SCAI: variants seen among roughly 807,000 people sequenced by gnomAD.
SCAI encodes the protein suppressor of cancer cell invasion, also known as protein SCAI.
SCAI carries 24 observed loss-of-function variants against 92.2 expected under a neutral mutation model. The observed-to-expected ratio is 0.26, with a 90% CI of 0.19 to 0.37. SCAI has a LOEUF of 0.37. SCAI is among the 10% of genes least tolerant of loss of function. SCAI has a pLI of 1.00. For synonymous variants in SCAI, 261 were observed against 258.6 expected (o/e 1.01, Z -0.09); for missense variants, 450 against 736.2 (o/e 0.61, Z 4.50).
At chr9:124,962,598 T>C (rs1190413981) in intron 17 of SCAI, among the ~76,000 whole-genome samples, 2 of 152,168 alleles carry the variant, frequency 1.3e-5, no homozygotes, top group Non-Finnish European at 2.9e-5. Context: ...AGATTTTCTT[T>C]TCTTTTTTTA....
intron 2 of SCAI, among the ~76,000 whole-genome samples, chr9:125,058,783 G>T (rs13284861): frequency 6.6e-6 from 1 of 151,998 alleles, no homozygotes; most frequent in Non-Finnish European, 1.5e-5. Context: ...TTACAGCACA[G>T]GGGTAGAAAA....
chr9:125,097,742 T>C (rs1017402628), intron 2 of SCAI, among the ~76,000 whole-genome samples: 1 of 151,692 alleles, frequency 6.6e-6, no homozygotes, highest in Non-Finnish European at 1.5e-5. Context: ...ACTGGCAAAA[T>C]GCATTCTGGA....
In SCAI at chr9:125,134,826, G is replaced by A. The variant is rs527675261; in HGVS notation, c.98+7807C>T. On this transcript the variant is annotated intron_variant, in intron 2 of 17. Transcript: ENST00000336505. ...TGAGTAGCTGGGATTACAGGCATGC[G>A]CCACCACGCCAGGCTAATTTTGTAT... Among the ~76,000 whole-genome samples the A allele has an allele frequency of 3.9e-4, 59 of 152,254 alleles. No individual in the cohort carries two copies. The East Asian group carries it at 6.2e-3, about 16-fold the overall frequency.
chr9:125,054,484 G>C (rs1833624656), intron 3 of SCAI, among the ~76,000 whole-genome samples: 1 of 151,336 alleles, frequency 6.6e-6, no homozygotes, highest in Admixed American at 6.6e-5. Context: ...ACAGAATATG[G>C]TACATACTGG....
intron 4 of SCAI, 138 bp from the exon 5 acceptor site, chr9:125,028,616 T>C: frequency 2.2e-6 from 1 of 447,896 alleles, no homozygotes; most frequent in South Asian, 4.5e-5. Context: ...AATGTAGTCA[T>C]TCCATTAAAT....
intron 2 of SCAI, among the ~76,000 whole-genome samples, chr9:125,127,801 A>T (rs1275747317): frequency 6.6e-6 from 1 of 152,130 alleles, no homozygotes; most frequent in Non-Finnish European, 1.5e-5. Flanking sequence ...TGAGGTCAGG[A>T]GTTTGAGACC....
intron 2 of SCAI, among the ~76,000 whole-genome samples, chr9:125,108,836 G>C (rs1484108055): frequency 6.6e-6 from 1 of 152,302 alleles, no homozygotes; most frequent in East Asian, 1.9e-4. Flanking sequence ...CCTCTGCCCG[G>C]CCACCACCCC....
At chr9:125,063,542 G>C (rs1033835846) in intron 2 of SCAI, among the ~76,000 whole-genome samples, 3 of 151,512 alleles carry the variant, frequency 2.0e-5, no homozygotes, top group African/African-American at 7.3e-5. Flanking sequence ...TTGGATTTAA[G>C]AAAAAAAACT....
In SCAI at chr9:125,038,344, A is replaced by C. The variant is rs1419993823; in HGVS notation, c.231-8605T>G. ...ATCAGTGTGGCTAGCTCAACCTGCTATGTTTTGTTAAAATGTTTTTCTTGA... is the reference window on the plus strand; with the variant it reads ...ATCAGTGTGGCTAGCTCAACCTGCTCTGTTTTGTTAAAATGTTTTTCTTGA... On this transcript the variant is annotated intron_variant, in intron 3 of 17. Transcript: ENST00000336505. Among the ~76,000 whole-genome samples, 5 of 152,192 alleles carry C rather than the reference A, an allele frequency of 3.3e-5. No homozygotes were observed. In the East Asian group the frequency reaches 9.6e-4, roughly 29 times the overall value.
intron 2 of SCAI, among the ~76,000 whole-genome samples, chr9:125,076,253 C>T (rs1015958499): frequency 3.3e-5 from 5 of 151,736 alleles, no homozygotes; most frequent in Admixed American, 3.3e-4. Context: ...AATCCCAGCA[C>T]TTTGGGAGGC....
At chr9:125,126,913 C>A (rs566623829) in intron 2 of SCAI, among the ~76,000 whole-genome samples, 1 of 152,170 alleles carries the variant, frequency 6.6e-6, no homozygotes, top group African/African-American at 2.4e-5. Flanking sequence ...CTATTTGCTT[C>A]TTTGCCTCAA....
chr9:125,030,569 T>A (rs1833054704), intron 3 of SCAI, among the ~76,000 whole-genome samples: 1 of 152,180 alleles, frequency 6.6e-6, no homozygotes, highest in South Asian at 2.1e-4. Context: ...AAACTGGTAA[T>A]AGGAGTACGT....
At chr9:124,992,586 G>A (rs151010524) in intron 14 of SCAI, among the ~76,000 whole-genome samples, 4 of 151,248 alleles carry the variant, frequency 2.6e-5, no homozygotes, top group South Asian at 2.1e-4. Flanking sequence ...ATTTCACCAC[G>A]TTGGCCAGGC....
intron 14 of SCAI, among the ~76,000 whole-genome samples, chr9:124,991,392 T>C (rs76129031): frequency 0.03 from 4,395 of 147,412 alleles, 215 homozygotes; most frequent in East Asian, 0.23. Context: ...ACGAGTAATA[T>C]TTAAATGAAG....
chr9:125,123,440 A>G (rs1459394253), intron 2 of SCAI, among the ~76,000 whole-genome samples: 3 of 152,104 alleles, frequency 2.0e-5, no homozygotes, highest in African/African-American at 4.8e-5. Context: ...AAATCTATAC[A>G]TGATGACTCT....
Position 125,072,410 on chromosome 9 carries a change from TAAC to T in SCAI, c.99-16406_99-16404del, listed in dbSNP as rs569040892. On this transcript the variant is annotated intron_variant, in intron 2 of 17. Coordinates refer to ENST00000336505, the MANE Select transcript of SCAI (RefSeq NM_001144877.3). ...ATTATATCATTCCAATATACAAAAA[TAAC>T]AATGAAACAGTGTTTAATAAACTGA... Among the ~76,000 whole-genome samples, 5 of 151,918 alleles carry T rather than the reference TAAC, an allele frequency of 3.3e-5. No individual in the cohort carries two copies. The South Asian group carries it at 1.0e-3, about 32-fold the overall frequency.
rs116915310 is a variant in SCAI at position 124,980,481 on chromosome 9, C to T, written c.1327-4295G>A. On this transcript the variant is annotated intron_variant, in intron 14 of 17. Transcript: ENST00000336505. ...GAACTGATAAAGAGTGGCTCGCTGT[C>T]CCTAGAATGTGCAAACAAGATGGTT... Among the ~76,000 whole-genome samples, 880 of 152,212 alleles carry T rather than the reference C, an allele frequency of 5.8e-3. 12 individuals carry two copies. In the East Asian group the frequency reaches 0.058, roughly 10 times the overall value.
intron 2 of SCAI, among the ~76,000 whole-genome samples, chr9:125,121,740 C>A (rs1174580724): frequency 6.6e-6 from 1 of 152,058 alleles, no homozygotes; most frequent in African/African-American, 2.4e-5. Context: ...GTAGTCCCAG[C>A]CACTTGGGAG....
intron 2 of SCAI, among the ~76,000 whole-genome samples, chr9:125,136,588 G>A (rs149676153): frequency 0.011 from 1,618 of 150,030 alleles, 32 homozygotes; most frequent in African/African-American, 0.038. Flanking sequence ...AGCCTCCTGA[G>A]TAGCTAGGAT....
Sources: gnomAD v4.1 joint callset for allele counts (sites outside exome capture counted in the v4.1 genomes callset) on GRCh38, gnomAD v4.1.1 for gene constraint, MANE v1.5 for transcripts, NCBI Gene and HGNC (gene_info 2026-07-23, HGNC 2026-07-21) for gene names.